Variants in NLRP13 observed in about 807,000 individuals in gnomAD.
NLRP13 encodes NLR family pyrin domain containing 13.
Under a neutral mutation model 94.4 loss-of-function variants are expected in NLRP13, and 82 were observed. The ratio of observed to expected loss-of-function variants is 0.87; its 90% CI spans 0.73 to 1.04. The LOEUF is 1.04. Among genes scored for constraint, NLRP13 ranks in the 50% least tolerant of loss-of-function variants. The pLI, the probability that NLRP13 is intolerant of heterozygous loss-of-function variation, is 0.00. For synonymous variants in NLRP13, 553 were observed against 464.7 expected, an observed-to-expected ratio of 1.19 and a Z score of -2.45; for missense variants, 1,426 against 1,230.8, an observed-to-expected ratio of 1.16 and a Z score of -2.37.
chr19:55,922,063 C>T (rs59657520), intron 4 of NLRP13, among the ~76,000 whole-genome samples: 2 of 152,174 alleles, frequency 1.3e-5, no homozygotes, highest in Non-Finnish European at 2.9e-5. Context: ...AAAGACACAA[C>T]TTACCTAGTG....
At chr19:55,922,786 G>A (rs1415237938) in intron 4 of NLRP13, among the ~76,000 whole-genome samples, 1 of 152,184 alleles carries the variant, frequency 6.6e-6, no homozygotes, top group African/African-American at 2.4e-5. Context: ...TAATGTTATG[G>A]GAGGATAGAA....
At chr19:55,901,302 C>T (rs1266632244) in intron 9 of NLRP13, among the ~76,000 whole-genome samples, 1 of 152,224 alleles carries the variant, frequency 6.6e-6, no homozygotes, top group Non-Finnish European at 1.5e-5. Context: ...ATCCTGACCC[C>T]GTGCCCTTTC....
At position 55,923,851 on chromosome 19, in the gene NLRP13, A is replaced by G. The variant is rs1986901423; in HGVS notation, c.523+63T>C. The G allele has an allele frequency of 1.4e-5, 16 of 1,178,066 alleles. No homozygotes were observed. In the South Asian group the frequency reaches 1.9e-4, roughly 14 times the overall value. 73.0% of individuals were successfully genotyped at this position (1,178,066 alleles called of 1,614,324 possible). On this transcript the variant is annotated intron_variant, in intron 4 of 10. Coordinates refer to ENST00000342929, the MANE Select transcript of NLRP13 (RefSeq NM_176810.2). Reference sequence around the variant, plus strand: ...TCAGTATGAGGCAACTCTACTATGGACCTAGTGAAACCAATGCTCGTCAAG... The same window carrying G: ...TCAGTATGAGGCAACTCTACTATGGGCCTAGTGAAACCAATGCTCGTCAAG...
intron 4 of NLRP13, among the ~76,000 whole-genome samples, chr19:55,922,423 G>C (rs1423472739): frequency 6.6e-6 from 1 of 152,074 alleles, no homozygotes; most frequent in Non-Finnish European, 1.5e-5. Flanking sequence ...TGCCTCCCAG[G>C]TTCAAGCAAT....
chr19:55,925,061 A>G, intron 1 of NLRP13, 26 bp from the exon 2 acceptor site: 2 of 1,606,088 alleles, frequency 1.2e-6, no homozygotes, highest in Non-Finnish European at 1.7e-6. Context: ...ATGATGACAT[A>G]TGAGAATACC....
chr19:55,907,926 C>T lies in NLRP13; in HGVS notation c.2313G>A (p.Leu771=), dbSNP rs144869779. The change falls in exon 7 of 11, where the codon CTG becomes CTA. Residue 771 remains leucine, a synonymous_variant. Transcript: ENST00000342929. ...TCKSVTPEWV[L]QDLIIALQGN... ...CCTGAAGGGCAATAATGAGGTCCTGCAGAACCCACTCAGGAGTTACCGATT... is the reference window on the plus strand; with the variant it reads ...CCTGAAGGGCAATAATGAGGTCCTGTAGAACCCACTCAGGAGTTACCGATT... 3 of 1,611,806 alleles carry T rather than the reference C, an allele frequency of 1.9e-6. No homozygotes were observed. Among genetic ancestry groups the T allele is most frequent in the East Asian group, 2.2e-5 (1 of 44,770 alleles).
In NLRP13 at chr19:55,912,273, G is replaced by C. The variant is rs1986539519; in HGVS notation, c.1544C>G (p.Ser515Cys). 1 of 1,614,078 alleles carries C rather than the reference G, an allele frequency of 6.2e-7. No homozygotes were observed. Among genetic ancestry groups the C allele is most frequent in the Non-Finnish European group, 8.5e-7 (1 of 1,179,976 alleles). ...TTGAAGAATATTGAACTCGTAGAGA[G>C]AATCAATGAAAGGCACTTCCAGGCC... ...IEGLEVPFID[S>C]LYEFNILQKI... The change falls in exon 5 of 11, where the codon TCT becomes TGT. Residue 515 changes from serine to cysteine, a missense_variant. Ser to Cys is a moderately radical substitution (Grantham distance 112). Transcript: ENST00000342929.
rs1184964579 is a variant in NLRP13 at position 55,925,013 on chromosome 19, C to T, written c.342G>A (p.Leu114=). 3 of 1,614,090 alleles carry T rather than the reference C, an allele frequency of 1.9e-6. No homozygotes were observed. Among genetic ancestry groups the T allele is most frequent in the East Asian group, 2.2e-5 (1 of 44,874 alleles). The change falls in exon 2 of 11, where the codon CTG becomes CTA. Residue 114 remains leucine, a synonymous_variant. Transcript: ENST00000342929. ...CTAGATCTTCCTGGGTTGGATCTTG[C>T]AGCTCTTGGGTCTGCACATTCTCTG... ...EMKENVQTQE[L]QDPTQEDLEM...
At chr19:55,896,247 AGGCAC>A in intron 10 of NLRP13, 128 bp from the exon 11 acceptor site, 1 of 1,016,656 alleles carries the variant, frequency 9.8e-7, no homozygotes, top group Non-Finnish European at 1.4e-6. Context: ...GCACTTGGCC[AGGCAC>A]AGTGGCTCAC....
At chr19:55,895,155 G>A (rs564005201), downstream of NLRP13, among the ~76,000 whole-genome samples, 7 of 151,188 alleles carry the variant, frequency 4.6e-5, no homozygotes, top group East Asian at 1.4e-3. Context: ...ACTTTGGGAG[G>A]CGGGCCAACA....
At chr19:55,923,328 C>G (rs914485198) in intron 4 of NLRP13, among the ~76,000 whole-genome samples, 1 of 152,188 alleles carries the variant, frequency 6.6e-6, no homozygotes, top group Admixed American at 6.5e-5. Context: ...TCTTGGAAGG[C>G]TGGGGGAGAG....
chr19:55,911,282 AG>A (rs1471039067), intron 5 of NLRP13, among the ~76,000 whole-genome samples: 1 of 152,116 alleles, frequency 6.6e-6, no homozygotes, highest in East Asian at 1.9e-4. Context: ...CCCAGGCTGG[AG>A]TGCAGTGATG....
At chr19:55,921,069 C>T (rs1986811996) in intron 4 of NLRP13, among the ~76,000 whole-genome samples, 1 of 152,038 alleles carries the variant, frequency 6.6e-6, no homozygotes, top group Non-Finnish European at 1.5e-5. Context: ...ATCATGTGTA[C>T]ATATGTACAT....
intron 7 of NLRP13, among the ~76,000 whole-genome samples, chr19:55,906,693 A>G (rs1174647054): frequency 1.3e-5 from 2 of 152,030 alleles, no homozygotes. Context: ...CAGGACTCCA[A>G]CCTATCACAG....
chr19:55,900,581 C>G (rs1986138691), intron 9 of NLRP13, among the ~76,000 whole-genome samples: 1 of 150,274 alleles, frequency 6.7e-6, no homozygotes, highest in African/African-American at 2.4e-5. Flanking sequence ...ACCATCCTGG[C>G]TAACATGGTG....
chr19:55,919,632 C>G (rs1018558141), intron 4 of NLRP13, among the ~76,000 whole-genome samples: 12 of 151,414 alleles, frequency 7.9e-5, no homozygotes, highest in African/African-American at 2.9e-4. Flanking sequence ...AAAAAAACAC[C>G]TAAGGAATAT....
rs957747589 is a variant in NLRP13 at position 55,926,246 on chromosome 19, A to G, written c.320-1211T>C. The stretch of plus-strand genomic sequence containing the variant: ...TTCATAGATTAAATTTAAGACTCCA[A>G]TTTAGCTGGGACCACCTGTCAGAAA... On this transcript the variant is annotated intron_variant, in intron 1 of 10. Coordinates refer to ENST00000342929, the MANE Select transcript of NLRP13 (RefSeq NM_176810.2). Among the ~76,000 whole-genome samples the G allele has an allele frequency of 8.5e-5, 13 of 152,320 alleles. No individual in the cohort carries two copies. The East Asian group carries it at 9.6e-4, about 11-fold the overall frequency.
At chr19:55,902,649 T>C (rs540291248) in intron 8 of NLRP13, among the ~76,000 whole-genome samples, 17 of 152,230 alleles carry the variant, frequency 1.1e-4, no homozygotes, top group African/African-American at 3.9e-4. Context: ...GAGCAGTGCA[T>C]GTGCTTGGGA....
intron 4 of NLRP13, among the ~76,000 whole-genome samples, chr19:55,920,506 T>A (rs1319382755): frequency 6.6e-6 from 1 of 151,976 alleles, no homozygotes; most frequent in Non-Finnish European, 1.5e-5. Flanking sequence ...AAGCAGACAT[T>A]TTTTAAAAGA....
Sources: gnomAD v4.1 joint callset for allele counts (sites outside exome capture counted in the v4.1 genomes callset) on GRCh38, gnomAD v4.1.1 for gene constraint, MANE v1.5 for transcripts, NCBI Gene and HGNC (gene_info 2026-07-23, HGNC 2026-07-21) for gene names.